The following FAR2 variants were observed in gnomAD, a reference collection of about 807,000 sequenced individuals.
FAR2 encodes the protein epididymis secretory protein Li 81.
In FAR2, 19 loss-of-function variants were observed where a neutral mutation model predicts 56.0. The observed-to-expected ratio is 0.34, with a 90% confidence interval of 0.24 to 0.50. The LOEUF (loss-of-function observed/expected upper bound fraction) is 0.50, where lower values mean the gene tolerates loss of function less well. Among genes scored for constraint, FAR2 ranks in the 20% least tolerant of loss-of-function variants. The pLI, the probability that FAR2 is intolerant of heterozygous loss-of-function variation, is 0.98. For synonymous variants in FAR2, 219 were observed against 218.8 expected, an observed-to-expected ratio of 1.00 and a Z score of -0.01; for missense variants, 508 against 642.2, an observed-to-expected ratio of 0.79 and a Z score of 2.26.
chr12:29,329,162 T>G (rs1446341148), intron 10 of FAR2, among the ~76,000 whole-genome samples: 1 of 152,218 alleles, frequency 6.6e-6, no homozygotes, highest in Admixed American at 6.5e-5. Context: ...ATATCACATA[T>G]AGACAAAATT....
intron 3 of FAR2, among the ~76,000 whole-genome samples, chr12:29,294,301 A>AT (rs1176154689): frequency 3.3e-5 from 5 of 150,852 alleles, no homozygotes; most frequent in Admixed American, 2.0e-4. Context: ...CTATTGAAAC[A>AT]TTTTTTTCTT....
chr12:29,326,244 A>C (rs1216537468), intron 10 of FAR2, among the ~76,000 whole-genome samples: 1 of 152,228 alleles, frequency 6.6e-6, no homozygotes, highest in Non-Finnish European at 1.5e-5. Flanking sequence ...AGGCTCTGAA[A>C]TTGAGGCAAT....
chr12:29,330,112 A>G (rs1315289364), intron 10 of FAR2, among the ~76,000 whole-genome samples: 7 of 137,794 alleles, frequency 5.1e-5, no homozygotes, highest in Non-Finnish European at 9.1e-5. Flanking sequence ...GCTGGAGTGC[A>G]GTGGCAAGAT....
chr12:29,171,730 C>T (rs1294023172), intron 1 of FAR2: 1 of 150,574 alleles, frequency 6.6e-6, no homozygotes, highest in Non-Finnish European at 1.5e-5. Flanking sequence ...ACTGACTGCC[C>T]ACCATCCAGG....
chr12:29,190,268 T>G (rs1950090380), intron 1 of FAR2, among the ~76,000 whole-genome samples: 1 of 151,606 alleles, frequency 6.6e-6, no homozygotes, highest in African/African-American at 2.4e-5. Flanking sequence ...CAGATGGTAA[T>G]TGAAGCCAGG....
At chr12:29,318,891 T>C (rs1949502937) in intron 9 of FAR2, among the ~76,000 whole-genome samples, 2 of 152,214 alleles carry the variant, frequency 1.3e-5, no homozygotes, top group Admixed American at 1.3e-4. Context: ...TATGTGGAGT[T>C]TGTGACTAGT....
chr12:29,165,545 A>G (rs991120873), intron 1 of FAR2, among the ~76,000 whole-genome samples: 1 of 152,248 alleles, frequency 6.6e-6, no homozygotes, highest in African/African-American at 2.4e-5. Flanking sequence ...TCCTTTGAGA[A>G]CTAACCTAAA....
At chr12:29,263,570 T>G (rs569300877) in intron 1 of FAR2, among the ~76,000 whole-genome samples, 1 of 151,888 alleles carries the variant, frequency 6.6e-6, no homozygotes, top group Non-Finnish European at 1.5e-5. Flanking sequence ...ATGAAGAAAT[T>G]GAAAATTTAC....
At chr12:29,257,666 C>G (rs7303980) in intron 1 of FAR2, among the ~76,000 whole-genome samples, 64,098 of 151,218 alleles carry the variant, frequency 0.42, 14,403 homozygotes, top group African/African-American at 0.59. Context: ...CAACTCCAGA[C>G]GCGCCGCCTT....
At chr12:29,233,473 T>C (rs2136654686) in intron 1 of FAR2, among the ~76,000 whole-genome samples, 1 of 152,298 alleles carries the variant, frequency 6.6e-6, no homozygotes, top group East Asian at 1.9e-4. Flanking sequence ...AAGAAAATAG[T>C]AGCCTTAATA....
intron 1 of FAR2, among the ~76,000 whole-genome samples, chr12:29,214,988 TAAA>T (rs1358761821): frequency 6.6e-6 from 1 of 152,030 alleles, no homozygotes; most frequent in African/African-American, 2.4e-5. Context: ...CTGAATGTAA[TAAA>T]AGAAGCAGTC....
intron 1 of FAR2, among the ~76,000 whole-genome samples, chr12:29,161,570 T>C (rs1025268437): frequency 2.0e-5 from 3 of 152,254 alleles, no homozygotes; most frequent in African/African-American, 7.2e-5. Flanking sequence ...GTAGTTTCCA[T>C]TGTGAGTTTC....
In FAR2 at chr12:29,203,892, C is replaced by T. The variant is rs370988537; in HGVS notation, c.-39+54485C>T. Among the ~76,000 whole-genome samples, 544 of 140,630 alleles carry T rather than the reference C, an allele frequency of 3.9e-3. 4 individuals are homozygous for T. The highest frequency in any genetic ancestry group is 0.014 in the African/African-American group (518 of 37,758). The allele number at this position is 140,630 out of a possible 152,430, so 92.3% of individuals were successfully genotyped here. A position where few individuals can be genotyped will look rare whatever the true frequency, so the allele number is the denominator to read the frequency against. Reference sequence around the variant, plus strand: ...GCGGGCGCCTGTAGTCCCAGCTACTCGGGAGGCTGAGGCAGGAGAATGGCG... The same window carrying T: ...GCGGGCGCCTGTAGTCCCAGCTACTTGGGAGGCTGAGGCAGGAGAATGGCG... On this transcript the variant is annotated intron_variant, in intron 1 of 11. Transcript: ENST00000536681.
chr12:29,268,958 TCA>T (rs1194829152), intron 1 of FAR2, among the ~76,000 whole-genome samples: 1 of 152,036 alleles, frequency 6.6e-6, no homozygotes, highest in Non-Finnish European at 1.5e-5. Context: ...TAATAGAATA[TCA>T]CAAGGCAAGT....
At chr12:29,186,006 C>T (rs1762893859) in intron 1 of FAR2, among the ~76,000 whole-genome samples, 1 of 152,176 alleles carries the variant, frequency 6.6e-6, no homozygotes, top group African/African-American at 2.4e-5. Flanking sequence ...ACAGCAACAT[C>T]ATGTGAGGCG....
chr12:29,285,937 A>G (rs944519290), intron 2 of FAR2, among the ~76,000 whole-genome samples: 3 of 152,048 alleles, frequency 2.0e-5, no homozygotes, highest in African/African-American at 7.2e-5. Context: ...AATTGCCCAT[A>G]CTAATTTCAT....
At chr12:29,194,379 T>C (rs1056640394) in intron 1 of FAR2, among the ~76,000 whole-genome samples, 1 of 152,136 alleles carries the variant, frequency 6.6e-6, no homozygotes, top group African/African-American at 2.4e-5. Flanking sequence ...AATGCGCATT[T>C]CTTCCTAGGT....
chr12:29,150,251 C>G (rs1401499044), intron 1 of FAR2, among the ~76,000 whole-genome samples: 1 of 152,188 alleles, frequency 6.6e-6, no homozygotes, highest in African/African-American at 2.4e-5. Context: ...CAGAGGAAGG[C>G]GTCTCACCTG....
At chr12:29,297,693 T>C (rs1949093827) in intron 4 of FAR2, among the ~76,000 whole-genome samples, 1 of 152,150 alleles carries the variant, frequency 6.6e-6, no homozygotes, top group African/African-American at 2.4e-5. Flanking sequence ...AAAAGTTATA[T>C]AAAACACTTA....
Sources: allele counts gnomAD v4.1 joint callset (sites outside exome capture counted in the v4.1 genomes callset), GRCh38; gene constraint gnomAD v4.1.1; transcripts MANE v1.5; gene names NCBI Gene and HGNC (gene_info 2026-07-23, HGNC 2026-07-21).